The following TBCD variants were observed in gnomAD, a reference collection of about 807,000 sequenced individuals.
TBCD encodes tubulin-specific chaperone D.
A neutral mutation model predicts 169.3 loss-of-function variants in TBCD; 105 were observed. The observed-to-expected ratio is 0.62, with a 90% CI of 0.53 to 0.73. The LOEUF (loss-of-function observed/expected upper bound fraction) is 0.73. Among genes scored for constraint, TBCD ranks in the 30% least tolerant of loss-of-function variants. The pLI is 0.00. For synonymous variants in TBCD, 700 were observed against 643.9 expected, an observed-to-expected ratio of 1.09 and a Z score of -1.32; for missense variants, 1,444 against 1,600.1, an observed-to-expected ratio of 0.90 and a Z score of 1.66.
chr17:82,801,517 G>C (rs373378782), intron 9 of TBCD, among the ~76,000 whole-genome samples: 1 of 146,324 alleles, frequency 6.8e-6, no homozygotes, highest in African/African-American at 2.6e-5. Flanking sequence ...GCAGGATGGC[G>C]GCATGTGTGT....
intron 13 of TBCD, among the ~76,000 whole-genome samples, chr17:82,858,149 A>C (rs964265416): frequency 4.6e-5 from 7 of 152,130 alleles, no homozygotes; most frequent in African/African-American, 1.7e-4. Context: ...CCTGGGCTCA[A>C]GTGATCCTCC....
At chr17:82,847,269 T>C (rs148604173) in intron 13 of TBCD, among the ~76,000 whole-genome samples, 2,164 of 146,332 alleles carry the variant, frequency 0.015, 55 homozygotes, top group African/African-American at 0.051. Context: ...AGGAGAATGG[T>C]GTGAACCTGG....
intron 36 of TBCD, 121 bp from the exon 37 acceptor site, chr17:82,939,246 G>C: frequency 2.6e-6 from 2 of 778,262 alleles, no homozygotes; most frequent in Non-Finnish European, 4.4e-6. Flanking sequence ...ATGGGATGCA[G>C]GGTCAGCGTC....
In TBCD at chr17:82,831,915, C is replaced by G. The variant is rs772336681; in HGVS notation, c.1318+16981C>G. ...CAGTGGGGTTGTGTAAAGCCAGTGT[C>G]TCGGGCGCCTCGGCGTTGTCTGGCC... is the stretch of plus-strand genomic sequence containing the variant. On this transcript the variant is annotated intron_variant, in intron 13 of 38. Transcript: ENST00000355528. The surrounding 1 kb of genome is among the most constrained non-coding windows in gnomAD (Gnocchi z 4.6). 2 of 1,614,200 alleles carry G rather than the reference C, an allele frequency of 1.2e-6. No individual in the cohort carries two copies. Among genetic ancestry groups the G allele is most frequent in the Non-Finnish European group, 1.7e-6 (2 of 1,180,046 alleles).
At chr17:82,899,822 G>A (rs1014925969) in intron 17 of TBCD, among the ~76,000 whole-genome samples, 2 of 152,162 alleles carry the variant, frequency 1.3e-5, no homozygotes, top group African/African-American at 2.4e-5. Context: ...TTACCCATTC[G>A]AGTGGGGGTA....
At chr17:82,784,018 C>T (rs768824708) in intron 7 of TBCD, among the ~76,000 whole-genome samples, 16 of 151,676 alleles carry the variant, frequency 1.1e-4, no homozygotes, top group African/African-American at 3.4e-4. Context: ...CCAGCTACTC[C>T]GGAGGCTGAG....
intron 7 of TBCD, among the ~76,000 whole-genome samples, chr17:82,783,906 C>G (rs775842265): frequency 5.3e-5 from 8 of 152,184 alleles, no homozygotes; most frequent in Non-Finnish European, 1.2e-4. Context: ...AGGCAGATTA[C>G]TTGAGGTCGG....
chr17:82,806,148 T>G lies in TBCD; in HGVS notation c.1087+137T>G. 8.4e-7 allele frequency: 1 copy of G among 1,188,714 alleles called. No individual in the cohort carries two copies. The highest frequency in any genetic ancestry group is 1.2e-6 in the Non-Finnish European group (1 of 857,516). The allele number at this position is 1,188,714 out of a possible 1,614,324, so 73.6% of individuals were successfully genotyped here. A position where few individuals can be genotyped will look rare whatever the true frequency, so the allele number is the denominator to read the frequency against. On this transcript the variant is annotated intron_variant, in intron 10 of 38. Transcript: ENST00000355528. The surrounding 1 kb of genome is among the most constrained non-coding windows in gnomAD (Gnocchi z 5.1). Reference sequence around the variant, plus strand: ...CCCGTCCCCTTCGCTGAGTGCACGGTCACTGCCCGTCCTCTGGCTCCTGAA... The same window carrying G: ...CCCGTCCCCTTCGCTGAGTGCACGGGCACTGCCCGTCCTCTGGCTCCTGAA...
chr17:82,795,754 C>T (rs1195968212), intron 7 of TBCD: 3 of 297,704 alleles, frequency 1.0e-5, no homozygotes, highest in African/African-American at 2.3e-5. Context: ...CCTTTGATGC[C>T]TGGGCCTCTG....
At chr17:82,931,704 G>A (rs985752631) in intron 33 of TBCD, among the ~76,000 whole-genome samples, 3 of 152,216 alleles carry the variant, frequency 2.0e-5, no homozygotes, top group East Asian at 1.9e-4. Context: ...TGTGGGCTGC[G>A]GAGCCCAGCT....
intron 13 of TBCD, among the ~76,000 whole-genome samples, chr17:82,851,322 T>C (rs2055770472): frequency 6.6e-6 from 1 of 152,224 alleles, no homozygotes; most frequent in Non-Finnish European, 1.5e-5. Context: ...TTATTCTATC[T>C]AAAATTTTGG....
intron 13 of TBCD, among the ~76,000 whole-genome samples, chr17:82,823,607 C>A (rs1422042888): frequency 6.6e-6 from 1 of 152,014 alleles, no homozygotes; most frequent in East Asian, 1.9e-4. Flanking sequence ...CAGTGGGCCC[C>A]CGTTAAGACT....
At chr17:82,824,502 G>A (rs977479384) in intron 13 of TBCD, among the ~76,000 whole-genome samples, 1 of 152,086 alleles carries the variant, frequency 6.6e-6, no homozygotes, top group Admixed American at 6.5e-5. Flanking sequence ...ATTTTTTAAA[G>A]ATAGGATCTC....
At chr17:82,921,730 G>A (rs2061430685) in intron 25 of TBCD, among the ~76,000 whole-genome samples, 153 bp downstream of exon 25, 1 of 152,256 alleles carries the variant, frequency 6.6e-6, no homozygotes, top group Admixed American at 6.5e-5. Flanking sequence ...TTGGAATCCC[G>A]GATGGTAGCG....
At chr17:82,766,520 C>G (rs573965444) in intron 4 of TBCD, among the ~76,000 whole-genome samples, 152 bp downstream of exon 4, 2 of 152,196 alleles carry the variant, frequency 1.3e-5, no homozygotes, top group Non-Finnish European at 2.9e-5. Flanking sequence ...TTTCTTTTCA[C>G]TTTTCCTTTA....
chr17:82,830,119 T>A (rs779044197), intron 13 of TBCD: 3 of 1,612,880 alleles, frequency 1.9e-6, no homozygotes, highest in Non-Finnish European at 2.5e-6. Context: ...CGTAGCTCTG[T>A]GAACACACGT....
chr17:82,867,199 C>T (rs2057232419), intron 13 of TBCD, among the ~76,000 whole-genome samples: 1 of 152,102 alleles, frequency 6.6e-6, no homozygotes, highest in South Asian at 2.1e-4. Context: ...TCTGTGTCCT[C>T]CCTTGGGGGC....
rs560317635 is a variant in TBCD at position 82,802,206 on chromosome 17, C to T, written c.950+1210C>T. Among the ~76,000 whole-genome samples the T allele has an allele frequency of 3.3e-4, 49 of 149,822 alleles. 2 individuals carry two copies. The highest frequency in any genetic ancestry group is 1.2e-3 in the African/African-American group (49 of 39,968). On this transcript the variant is annotated intron_variant, in intron 9 of 38. Transcript: ENST00000355528. ...AGCGGCCGGTGTGAACGGGTTGGTT[C>T]TCAAGGAGACAGACTTTTCTAGTGT...
intron 9 of TBCD, among the ~76,000 whole-genome samples, chr17:82,804,665 G>A (rs961317388): frequency 3.3e-5 from 5 of 152,252 alleles, no homozygotes; most frequent in African/African-American, 9.6e-5. Context: ...GCACAGCATG[G>A]TAGCTGGCTT....
Sources: allele counts gnomAD v4.1 joint callset (sites outside exome capture counted in the v4.1 genomes callset), GRCh38; gene constraint gnomAD v4.1.1; non-coding constraint Gnocchi (gnomAD v3.1); transcripts MANE v1.5; gene names NCBI Gene and HGNC (gene_info 2026-07-23, HGNC 2026-07-21).